MARK1: variants seen among roughly 807,000 people sequenced by gnomAD.
MARK1 encodes microtubule affinity regulating kinase 1.
MARK1 carries 40 observed loss-of-function variants against 96.3 expected under a neutral mutation model. The ratio of observed to expected loss-of-function variants is 0.42; its 90% CI spans 0.32 to 0.54. The LOEUF is 0.54. Among genes scored for constraint, MARK1 ranks in the 20% least tolerant of loss-of-function variants. MARK1 has a pLI of 0.16. For missense variants in MARK1, 719 were observed against 984.6 expected, an observed-to-expected ratio of 0.73 and a Z score of 3.61; for synonymous variants, 317 against 341.2, an observed-to-expected ratio of 0.93 and a Z score of 0.78.
intron 2 of MARK1, among the ~76,000 whole-genome samples, chr1:220,580,514 A>G (rs1423551713): frequency 6.6e-6 from 1 of 152,046 alleles, no homozygotes; most frequent in African/African-American, 2.4e-5. Flanking sequence ...ATTTTTAATA[A>G]ATTTTCACTT....
intron 10 of MARK1, among the ~76,000 whole-genome samples, chr1:220,631,577 C>G (rs1667681786): frequency 6.6e-6 from 1 of 152,294 alleles, no homozygotes; most frequent in East Asian, 1.9e-4. Context: ...CCTCACTCGT[C>G]CTGCTACTGC....
chr1:220,569,800 T>G (rs1663315170), intron 1 of MARK1, among the ~76,000 whole-genome samples: 1 of 152,136 alleles, frequency 6.6e-6, no homozygotes, highest in African/African-American at 2.4e-5. Flanking sequence ...CTTTTATTGT[T>G]TTGTCATTCA....
At chr1:220,650,349 G>T (rs1668804278) in intron 13 of MARK1, among the ~76,000 whole-genome samples, 5 of 152,180 alleles carry the variant, frequency 3.3e-5, no homozygotes, top group Admixed American at 3.3e-4. Flanking sequence ...ACAAAGGAGG[G>T]AGTGAATAGA....
rs779753871 is a variant in MARK1, at chr1:220,565,563, C to T, written c.52-13791C>T. ...CTGGTCTTGGATTGCCTATGAAGAG[C>T]GGGGGTCGGGGGGAGGGAGGTTGGA... is the stretch of plus-strand genomic sequence containing the variant. On this transcript the variant is annotated intron_variant, in intron 1 of 17. Coordinates refer to ENST00000366917, the MANE Select transcript of MARK1 (RefSeq NM_018650.5). Among the ~76,000 whole-genome samples, 7 of 134,774 alleles carry T rather than the reference C, an allele frequency of 5.2e-5. No individual in the cohort carries two copies. The East Asian group carries it at 9.2e-4, about 18-fold the overall frequency. 88.4% of individuals were successfully genotyped at this position (134,774 alleles called of 152,430 possible). A position where few individuals can be genotyped will look rare whatever the true frequency, so the allele number is the denominator to read the frequency against.
chr1:220,614,600 CA>C (rs1666637493), intron 6 of MARK1, among the ~76,000 whole-genome samples: 1 of 151,674 alleles, frequency 6.6e-6, no homozygotes, highest in South Asian at 2.1e-4. Flanking sequence ...CTCCATAATA[CA>C]AGGTATATAG....
At chr1:220,650,788 C>CCTGACCCATTCGG in intron 14 of MARK1, 68 bp downstream of exon 14, 1 of 1,099,510 alleles carries the variant, frequency 9.1e-7, no homozygotes, top group Non-Finnish European at 1.4e-6. Context: ...TGCTGAAATG[C>CCTGACCCATTCGG]CTGCAGCCGA....
chr1:220,583,839 T>TG, intron 3 of MARK1, among the ~76,000 whole-genome samples: 1 of 124,820 alleles, frequency 8.0e-6, no homozygotes, highest in South Asian at 2.7e-4. Context: ...TTTTTTTTTT[T>TG]GTATTTTTAG....
chr1:220,636,253 T>G (rs982361406), intron 13 of MARK1, among the ~76,000 whole-genome samples: 15 of 152,324 alleles, frequency 9.8e-5, no homozygotes, highest in Admixed American at 9.2e-4. Flanking sequence ...AAATGGTACA[T>G]GAAACTTTCC....
intron 3 of MARK1, among the ~76,000 whole-genome samples, chr1:220,591,352 T>G (rs1231794285): frequency 1.3e-5 from 2 of 152,158 alleles, no homozygotes; most frequent in African/African-American, 2.4e-5. Context: ...CAGCCGATTC[T>G]AAGAGAAAAC....
intron 1 of MARK1, among the ~76,000 whole-genome samples, chr1:220,554,384 C>T (rs1391177648): frequency 6.6e-6 from 1 of 152,204 alleles, no homozygotes; most frequent in Non-Finnish European, 1.5e-5. Context: ...TGTTTGGAGA[C>T]ATTTTTGGTT....
intron 10 of MARK1, among the ~76,000 whole-genome samples, chr1:220,631,575 G>A (rs1017297591): frequency 1.4e-4 from 21 of 151,970 alleles, no homozygotes; most frequent in African/African-American, 4.8e-5. Flanking sequence ...CTCCTCACTC[G>A]TCCTGCTACT....
At chr1:220,652,832 T>G (rs551856232) in intron 15 of MARK1, among the ~76,000 whole-genome samples, 5 of 152,300 alleles carry the variant, frequency 3.3e-5, no homozygotes, top group African/African-American at 1.2e-4. Flanking sequence ...AAAAAATATT[T>G]GCAGTACTCC....
At chr1:220,584,488 AT>A (rs1312404582) in intron 3 of MARK1, among the ~76,000 whole-genome samples, 3 of 152,222 alleles carry the variant, frequency 2.0e-5, no homozygotes, top group African/African-American at 7.2e-5. Flanking sequence ...TATTAAATGA[AT>A]AATCAAGTTA....
chr1:220,651,034 T>C (rs1047387650), intron 14 of MARK1, among the ~76,000 whole-genome samples: 18 of 152,230 alleles, frequency 1.2e-4, no homozygotes, highest in Admixed American at 1.1e-3. Context: ...TATTCTCTTA[T>C]GCACCTGCTG....
At chr1:220,538,815 A>G (rs1660908320) in intron 1 of MARK1, among the ~76,000 whole-genome samples, 1 of 151,918 alleles carries the variant, frequency 6.6e-6, no homozygotes, top group African/African-American at 2.4e-5. Context: ...TAGGTATTTT[A>G]TTCTCTTTGA....
chr1:220,536,784 T>A (rs1660724387), intron 1 of MARK1, among the ~76,000 whole-genome samples: 1 of 152,222 alleles, frequency 6.6e-6, no homozygotes, highest in Admixed American at 6.5e-5. Flanking sequence ...TTTCGCCATG[T>A]TGGCCAGGTT....
At chr1:220,563,496 A>G (rs1480555156) in intron 1 of MARK1, among the ~76,000 whole-genome samples, 1 of 152,228 alleles carries the variant, frequency 6.6e-6, no homozygotes, top group African/African-American at 2.4e-5. Context: ...ATTCTTACAA[A>G]TCAGATGAAA....
At chr1:220,600,440 C>T (rs1665662617) in intron 5 of MARK1, among the ~76,000 whole-genome samples, 2 of 152,156 alleles carry the variant, frequency 1.3e-5, no homozygotes, top group Admixed American at 6.5e-5. Context: ...TATGTTTTAA[C>T]TATCATGGTG....
chr1:220,557,548 G>A (rs1197108299), intron 1 of MARK1, among the ~76,000 whole-genome samples: 3 of 151,886 alleles, frequency 2.0e-5, no homozygotes, highest in African/African-American at 7.3e-5. Flanking sequence ...GACAGAGAGA[G>A]ACTCTGTCTC....
Sources: allele counts gnomAD v4.1 joint callset (sites outside exome capture counted in the v4.1 genomes callset), GRCh38; gene constraint gnomAD v4.1.1; transcripts MANE v1.5; gene names NCBI Gene and HGNC (gene_info 2026-07-23, HGNC 2026-07-21).